The following TACC2 variants were observed in gnomAD, a reference collection of about 807,000 sequenced individuals.
The protein encoded by TACC2 is transforming acidic coiled-coil containing protein 2.
In TACC2, 137 loss-of-function variants were observed where a neutral mutation model predicts 227.3. That is an observed-to-expected ratio of 0.60 (90% confidence interval 0.52 to 0.69). TACC2 has a LOEUF of 0.69. Among genes scored for constraint, TACC2 ranks in the 30% least tolerant of loss-of-function variants. TACC2 has a pLI of 0.00. For missense variants in TACC2, 3,470 were observed against 3,694.4 expected (o/e 0.94, Z 1.57); for synonymous variants, 1,523 against 1,487.5 (o/e 1.02, Z -0.55).
chr10:122,067,510 T>TG (rs1416622542), intron 3 of TACC2, among the ~76,000 whole-genome samples: 1 of 148,820 alleles, frequency 6.7e-6, no homozygotes, highest in Non-Finnish European at 1.5e-5. Context: ...GTTTCTGGTT[T>TG]TTTTTTTTTT....
intron 3 of TACC2, among the ~76,000 whole-genome samples, chr10:122,078,383 A>G (rs1243488152): frequency 6.6e-6 from 1 of 151,866 alleles, no homozygotes; most frequent in African/African-American, 2.4e-5. Context: ...TAAGCATTGC[A>G]TGTGTGTGTG....
In TACC2 at chr10:122,141,088, G is replaced by A. The variant is rs1161886494; in HGVS notation, c.5700-2484G>A. On this transcript the variant is annotated intron_variant, in intron 6 of 22. Transcript: ENST00000369005. The surrounding 1 kb of genome is among the most constrained non-coding windows in gnomAD (Gnocchi z 4.3). ...GTGACTCAGCAGGAAGGGGTGATGAGGGGCATGGGAATGAGAGAACTGGAA... is the reference window on the plus strand; with the variant it reads ...GTGACTCAGCAGGAAGGGGTGATGAAGGGCATGGGAATGAGAGAACTGGAA... Among the ~76,000 whole-genome samples, 1 of 152,172 alleles carries A rather than the reference G, an allele frequency of 6.6e-6. No individual in the cohort carries two copies. The highest frequency in any genetic ancestry group is 1.9e-4 in the East Asian group (1 of 5,178).
chr10:122,102,211 A>T (rs1371437363), intron 5 of TACC2, among the ~76,000 whole-genome samples: 1 of 152,100 alleles, frequency 6.6e-6, no homozygotes, highest in Admixed American at 6.5e-5. Flanking sequence ...AAAAATATTG[A>T]TGCCTAGATG....
rs1443397153 is a variant in TACC2, at chr10:122,211,562, C to T, written c.7137C>T (p.Asp2379=). The part of the protein sequence containing the change: ...FDPDTCDESV[D]PFKTSSKTPS... ...CAGACACCTGTGATGAGTCCGTTGACCCCTTTAAGACATCCTCTAAGACCC... is the reference window on the plus strand; with the variant it reads ...CAGACACCTGTGATGAGTCCGTTGATCCCTTTAAGACATCCTCTAAGACCC... The change falls in exon 9 of 23, where the codon GAC becomes GAT. Residue 2379 remains aspartate (D), a synonymous_variant. Coordinates refer to ENST00000369005, the MANE Select transcript of TACC2 (RefSeq NM_206862.4). 2 of 1,614,016 alleles carry T rather than the reference C, an allele frequency of 1.2e-6. No individual in the cohort carries two copies. The highest frequency in any genetic ancestry group is 1.7e-6 in the Non-Finnish European group (2 of 1,180,002).
chr10:122,031,563 C>T (rs972147750), intron 2 of TACC2, among the ~76,000 whole-genome samples: 1 of 151,666 alleles, frequency 6.6e-6, no homozygotes, highest in Admixed American at 6.6e-5. Context: ...CACCACTGCG[C>T]CCGGCTAATT....
intron 3 of TACC2, among the ~76,000 whole-genome samples, chr10:122,075,280 C>A (rs894513227): frequency 6.6e-6 from 1 of 152,056 alleles, no homozygotes; most frequent in Admixed American, 6.6e-5. Flanking sequence ...CTCCTACCTA[C>A]CCCCGAACCA....
intron 7 of TACC2, chr10:122,163,711 A>ACACATACGCGGCGCTCGCC (rs1565473859): frequency 9.6e-7 from 1 of 1,040,740 alleles, no homozygotes; most frequent in Non-Finnish European, 1.2e-6. Context: ...ACTCGCGCGC[A>ACACATACGCGGCGCTCGCC]CACATACGCG....
intron 3 of TACC2, among the ~76,000 whole-genome samples, chr10:122,058,773 G>A (rs948486033): frequency 5.3e-5 from 8 of 152,144 alleles, no homozygotes; most frequent in African/African-American, 1.9e-4. Context: ...TTCTTCAGTT[G>A]ACAAGAAGAT....
chr10:122,099,332 C>A (rs775985899), intron 5 of TACC2, among the ~76,000 whole-genome samples: 1 of 152,186 alleles, frequency 6.6e-6, no homozygotes, highest in African/African-American at 2.4e-5. Context: ...CAACCCCAGA[C>A]CAGACTGCCT....
In TACC2 at chr10:122,082,921, G is replaced by A. The variant is rs547871776; in HGVS notation, c.421G>A (p.Glu141Lys). Residue 141 changes from glutamate (E) to lysine (K), a missense_variant, in exon 4 of 23, where the codon GAA becomes AAA. Around this residue, in one of 10 missense-constraint regions of TACC2, gnomAD observed 405 missense variants for 389.6 expected, o/e 1.04. Transcript: ENST00000369005. ...TCCTCAGACTCAGTCTCCCAGGAGGGAACCTGCCCCAAATGCCCCAGGAGA... is the reference window on the plus strand; with the variant it reads ...TCCTCAGACTCAGTCTCCCAGGAGGAAACCTGCCCCAAATGCCCCAGGAGA... ...DGPQTQSPRREPAPNAPGDIA... is the reference protein window; with the variant it reads ...DGPQTQSPRRKPAPNAPGDIA... 4 of 1,613,112 alleles carry A rather than the reference G, an allele frequency of 2.5e-6. No homozygotes were observed. The highest frequency in any genetic ancestry group is 2.7e-5 in the African/African-American group (2 of 75,032).
intron 12 of TACC2, among the ~76,000 whole-genome samples, chr10:122,225,064 T>TAA (rs10712513): frequency 2.9e-4 from 42 of 143,958 alleles, no homozygotes; most frequent in African/African-American, 6.2e-4. Context: ...GAGATTTCTT[T>TAA]AAAAAAAAAA....
intron 7 of TACC2, among the ~76,000 whole-genome samples, chr10:122,147,331 G>A (rs922126815): frequency 6.6e-6 from 1 of 152,120 alleles, no homozygotes; most frequent in African/African-American, 2.4e-5. Context: ...TTTTAGTGGA[G>A]TCAAGGTTTC....
intron 5 of TACC2, among the ~76,000 whole-genome samples, chr10:122,106,057 G>A (rs1372430752): frequency 6.9e-6 from 1 of 144,842 alleles, no homozygotes; most frequent in African/African-American, 2.6e-5. Context: ...GTGTGATTTC[G>A]GCTCACTGCA....
chr10:121,997,359 A>T (rs1386697778), intron 1 of TACC2, among the ~76,000 whole-genome samples: 1 of 152,158 alleles, frequency 6.6e-6, no homozygotes, highest in African/African-American at 2.4e-5. Context: ...CAGCGTGCAC[A>T]GACTCTGGGC....
At chr10:122,077,652 C>A (rs1565223518) in intron 3 of TACC2, among the ~76,000 whole-genome samples, 1 of 152,204 alleles carries the variant, frequency 6.6e-6, no homozygotes, top group Non-Finnish European at 1.5e-5. Flanking sequence ...CTGGCCACAG[C>A]TGGCAGAACA....
rs775608705 is a variant in TACC2 at position 122,211,430 on chromosome 10, C to T, written c.7005C>T (p.Tyr2335=). 1.1e-5 allele frequency: 18 copies of T among 1,614,032 alleles called. No individual in the cohort carries two copies. Among genetic ancestry groups the T allele is most frequent in the Non-Finnish European group, 1.4e-5 (17 of 1,180,036 alleles). ...ACATCCCCATTGCTAAAGGTACTTACACCTTTGATATTGACAAGTGGGATG... is the reference window on the plus strand; with the variant it reads ...ACATCCCCATTGCTAAAGGTACTTATACCTTTGATATTGACAAGTGGGATG... ...PNDIPIAKGT[Y]TFDIDKWDDP... The change falls in exon 9 of 23, where the codon TAC becomes TAT. Residue 2335 remains tyrosine, a synonymous_variant. Transcript: ENST00000369005.
chr10:122,048,428 CCTTGCTT>C (rs2075300257), intron 2 of TACC2, among the ~76,000 whole-genome samples: 1 of 135,070 alleles, frequency 7.4e-6, no homozygotes, highest in Non-Finnish European at 1.7e-5. Context: ...TTCCTTCCCT[CCTTGCTT>C]CCTCCCTCCC....
intron 5 of TACC2, among the ~76,000 whole-genome samples, chr10:122,125,298 T>G (rs898745410): frequency 1.3e-5 from 2 of 151,914 alleles, no homozygotes; most frequent in African/African-American, 4.8e-5. Context: ...TGGGCTCAGG[T>G]GATCCTCCCA....
intron 7 of TACC2, among the ~76,000 whole-genome samples, chr10:122,170,804 C>T (rs983896910): frequency 3.3e-5 from 5 of 152,304 alleles, no homozygotes; most frequent in Admixed American, 2.0e-4. Flanking sequence ...AGGATCTGGT[C>T]GCCTGTCAGT....
Sources: gnomAD v4.1 joint callset for allele counts (sites outside exome capture counted in the v4.1 genomes callset) on GRCh38, gnomAD v4.1.1 for gene constraint, gnomAD v4.1.1 regional missense constraint, Gnocchi (gnomAD v3.1) non-coding constraint, MANE v1.5 for transcripts, NCBI Gene and HGNC (gene_info 2026-07-23, HGNC 2026-07-21) for gene names.